Variants in SEC23A observed in about 807,000 individuals in gnomAD.
SEC23A encodes protein transport protein Sec23A.
In SEC23A, 56 loss-of-function variants were observed where a neutral mutation model predicts 103.7. The ratio of observed to expected loss-of-function variants is 0.54; its 90% CI spans 0.44 to 0.67. The LOEUF is 0.67. SEC23A is among the 30% of genes least tolerant of loss of function. The probability of loss-of-function intolerance (pLI) is 0.00; values close to 1 mark genes in which losing one functional copy is unlikely to be tolerated. For synonymous variants in SEC23A, 281 were observed against 293.0 expected, an observed-to-expected ratio of 0.96 and a Z score of 0.42; for missense variants, 784 against 936.4, an observed-to-expected ratio of 0.84 and a Z score of 2.12.
chr14:39,084,667 T>C, intron 7 of SEC23A, among the ~76,000 whole-genome samples: 1 of 152,098 alleles, frequency 6.6e-6, no homozygotes, highest in East Asian at 1.9e-4. Context: ...GAGTACCTTT[T>C]GTTTTTTGTT....
chr14:39,033,679 T>G (rs547089532), intron 19 of SEC23A, among the ~76,000 whole-genome samples: 1 of 152,412 alleles, frequency 6.6e-6, no homozygotes, highest in South Asian at 2.1e-4. Context: ...CTCCCTGGCA[T>G]TTTAAGAGAA....
intron 16 of SEC23A, among the ~76,000 whole-genome samples, chr14:39,044,336 C>A (rs1343951846): frequency 1.3e-5 from 2 of 151,936 alleles, no homozygotes; most frequent in African/African-American, 4.8e-5. Context: ...TCAAAGAATA[C>A]AAGGCAAAAT....
At chr14:39,045,621 T>A (rs569140973) in intron 15 of SEC23A, among the ~76,000 whole-genome samples, 111 of 152,022 alleles carry the variant, frequency 7.3e-4, no homozygotes, top group Middle Eastern at 3.4e-3. Flanking sequence ...CACTCTGGGA[T>A]GGCTTGGGGC....
At chr14:39,037,094 T>G (rs893604936) in intron 19 of SEC23A, among the ~76,000 whole-genome samples, 7 of 152,132 alleles carry the variant, frequency 4.6e-5, no homozygotes, top group Non-Finnish European at 8.8e-5. Flanking sequence ...CCACTTGTAC[T>G]CCCCTGAAGT....
intron 7 of SEC23A, among the ~76,000 whole-genome samples, chr14:39,076,600 T>C (rs1887031438): frequency 6.6e-6 from 1 of 151,612 alleles, no homozygotes; most frequent in Non-Finnish European, 1.5e-5. Context: ...TTACTTTTGT[T>C]TTTGATGTTT....
intron 9 of SEC23A, among the ~76,000 whole-genome samples, chr14:39,068,210 G>A (rs1886737932): frequency 6.6e-6 from 1 of 151,780 alleles, no homozygotes; most frequent in Non-Finnish European, 1.5e-5. Flanking sequence ...TAATAGATTG[G>A]CAAAAATCAG....
intron 5 of SEC23A, 85 bp from the exon 6 acceptor site, chr14:39,087,093 T>C (rs1227356649): frequency 1.2e-6 from 1 of 841,336 alleles, no homozygotes; most frequent in African/African-American, 1.7e-5. Context: ...AATGCTGTGC[T>C]AGACATTAGA....
At chr14:39,059,278 T>TAAAAAAAAAAAAAAAAAAAAAAA (rs750853379) in intron 13 of SEC23A, among the ~76,000 whole-genome samples, 3 of 71,826 alleles carry the variant, frequency 4.2e-5, no homozygotes, top group African/African-American at 5.1e-5. Context: ...AGTCCTAGTT[T>TAAAAAAAAAAAAAAAAAAAAAAA]AAAAAAAAAA....
chr14:39,080,703 G>C (rs576030078), intron 7 of SEC23A, among the ~76,000 whole-genome samples: 1 of 152,290 alleles, frequency 6.6e-6, no homozygotes, highest in East Asian at 1.9e-4. Flanking sequence ...ACTGCGCCTG[G>C]CCGGGAGTTC....
At chr14:39,042,261 G>C (rs181111254) in intron 17 of SEC23A, among the ~76,000 whole-genome samples, 1 of 152,282 alleles carries the variant, frequency 6.6e-6, no homozygotes, top group Non-Finnish European at 1.5e-5. Context: ...GTAACTGCAG[G>C]AATGCATCAA....
chr14:39,068,630 C>T (rs10872915), intron 9 of SEC23A, among the ~76,000 whole-genome samples: 19,951 of 151,952 alleles, frequency 0.13, 1,360 homozygotes, highest in Middle Eastern at 0.18. Context: ...CTGCTACAGA[C>T]TGATTTCTAG....
chr14:39,038,875 C>T (rs191880489), intron 19 of SEC23A, among the ~76,000 whole-genome samples, 156 bp downstream of exon 19: 7 of 152,244 alleles, frequency 4.6e-5, no homozygotes, highest in African/African-American at 1.7e-4. Flanking sequence ...CCTATGGTGT[C>T]GCCAAATATT....
intron 12 of SEC23A, among the ~76,000 whole-genome samples, chr14:39,062,238 C>T (rs913488776): frequency 1.3e-5 from 2 of 152,160 alleles, no homozygotes; most frequent in Non-Finnish European, 2.9e-5. Flanking sequence ...ATCCAAAATG[C>T]TTGGGACCCG....
At chr14:39,070,949 C>T (rs757865625) in intron 9 of SEC23A, among the ~76,000 whole-genome samples, 2 of 152,156 alleles carry the variant, frequency 1.3e-5, no homozygotes, top group African/African-American at 4.8e-5. Flanking sequence ...ATCACTTGAA[C>T]CCAGGGGGCG....
chr14:39,057,579 C>A, intron 13 of SEC23A, among the ~76,000 whole-genome samples: 1 of 152,154 alleles, frequency 6.6e-6, no homozygotes, highest in Non-Finnish European at 1.5e-5. Context: ...GTTGCCCAGG[C>A]TAGTCTCCAA....
chr14:39,037,055 C>T (rs142339248), intron 19 of SEC23A, among the ~76,000 whole-genome samples: 1 of 152,188 alleles, frequency 6.6e-6, no homozygotes, highest in Non-Finnish European at 1.5e-5. Flanking sequence ...TTTCATTCTG[C>T]CTCTCTGATA....
In SEC23A at chr14:39,061,861, G is replaced by A. The variant is rs375987119; in HGVS notation, c.1409C>T (p.Pro470Leu). ...TGCACCACGCCCTCCTTGAGGAATTGGAGCATTATGCTGTATAAATATAAT... is the reference window on the plus strand; with the variant it reads ...TGCACCACGCCCTCCTTGAGGAATTAGAGCATTATGCTGTATAAATATAAT... Reference protein sequence around the residue: ...YFEVVNQHNAPIPQGGRGAIQ... With the variant: ...YFEVVNQHNALIPQGGRGAIQ... The change falls in exon 13 of 20, where the codon CCA (proline) becomes CTA (leucine). Residue 470 changes from proline to leucine, a missense_variant. Physicochemically the swap from Pro to Leu is moderately conservative, Grantham distance 98. This residue lies in a region of SEC23A where 683 missense variants were observed against 774.2 expected (regional missense o/e 0.88). Transcript: ENST00000307712. 2 of 1,611,600 alleles carry A rather than the reference G, an allele frequency of 1.2e-6. No homozygotes were observed. Among genetic ancestry groups the A allele is most frequent in the Non-Finnish European group, 1.7e-6 (2 of 1,177,772 alleles).
At chr14:39,088,753 G>C (rs1220133637) in intron 5 of SEC23A, 1 of 150,686 alleles carries the variant, frequency 6.6e-6, no homozygotes, top group East Asian at 2.0e-4. Context: ...AAAAAAACTA[G>C]GCCGGCCTCA....
chr14:39,039,128 T>C (rs1472443828), intron 18 of SEC23A, 32 bp from the exon 19 acceptor site: 2 of 1,582,862 alleles, frequency 1.3e-6, no homozygotes, highest in East Asian at 2.2e-5. Context: ...ACATTATCCA[T>C]CAAAAATGGT....
Sources: allele counts gnomAD v4.1 joint callset (sites outside exome capture counted in the v4.1 genomes callset), GRCh38; gene constraint gnomAD v4.1.1; regional missense constraint gnomAD v4.1.1; transcripts MANE v1.5; gene names NCBI Gene and HGNC (gene_info 2026-07-23, HGNC 2026-07-21).